The following DMBT1 variants were observed in gnomAD, a reference collection of about 807,000 sequenced individuals.
The protein encoded by DMBT1 is scavenger receptor cysteine-rich domain-containing protein DMBT1.
A neutral mutation model predicts 252.9 loss-of-function variants in DMBT1; 198 were observed. The ratio of observed to expected loss-of-function variants is 0.78; its 90% CI spans 0.70 to 0.88. DMBT1 has a LOEUF of 0.88. DMBT1 is among the 40% of genes least tolerant of loss of function. DMBT1 has a pLI of 0.00. For missense variants in DMBT1, 2,432 were observed against 2,404.7 expected (o/e 1.01, Z -0.24); for synonymous variants, 990 against 942.7 (o/e 1.05, Z -0.92).
intron 17 of DMBT1, among the ~76,000 whole-genome samples, 189 bp from the exon 18 acceptor site, chr10:122,590,476 T>C (rs1434831833): frequency 6.7e-6 from 1 of 148,604 alleles, no homozygotes; most frequent in East Asian, 2.1e-4. Context: ...GAGCTGGCAG[T>C]AGTGGACAAG....
chr10:122,587,766 C>T (rs2097803514), intron 16 of DMBT1, among the ~76,000 whole-genome samples: 1 of 148,772 alleles, frequency 6.7e-6, no homozygotes, highest in Non-Finnish European at 1.5e-5. Flanking sequence ...AGACTTTATA[C>T]TCCTTTGGGC....
chr10:122,589,601 A>G lies in DMBT1; in HGVS notation c.2107+334A>G. ...GGGGTCAGGTTATTCATGAAGAAAG[A>G]GGCAGATTTGGGTCTTGGCTTTGCA... On this transcript the variant is annotated intron_variant, in intron 17 of 55. Transcript: ENST00000338354. Among the ~76,000 whole-genome samples, 2 of 148,478 alleles carry G rather than the reference A, an allele frequency of 1.3e-5. 1 individual carries two copies. Among genetic ancestry groups the G allele is most frequent in the Non-Finnish European group, 3.0e-5 (2 of 66,762 alleles).
chr10:122,592,522 G>C lies in DMBT1; in HGVS notation c.2427G>C (p.Leu809=), dbSNP rs373107630. Residue 809 remains leucine, a synonymous_variant, in exon 20 of 56, where the codon CTG becomes CTC. Coordinates refer to ENST00000338354, the MANE Select transcript of DMBT1 (RefSeq NM_001377530.1). ...GCTGCTCAGGACACGAGTCCTACCT[G>C]TGGAGCTGCCCCCACAATGGCTGGC... ...DVRCSGHESY[L]WSCPHNGWLS... 6.3e-7 allele frequency: 1 copy of C among 1,588,190 alleles called. No homozygotes were observed. The highest frequency in any genetic ancestry group is 8.6e-7 in the Non-Finnish European group (1 of 1,165,608).
intron 52 of DMBT1, among the ~76,000 whole-genome samples, chr10:122,633,720 CAG>C (rs1362790711): frequency 6.6e-6 from 1 of 152,126 alleles, no homozygotes; most frequent in Middle Eastern, 3.2e-3. Context: ...TCACGAGAAA[CAG>C]AGAGGAGAGA....
chr10:122,599,142 G>T (rs981878122), intron 26 of DMBT1, 45 bp downstream of exon 26: 8 of 1,613,208 alleles, frequency 5.0e-6, no homozygotes, highest in Non-Finnish European at 5.9e-6. Context: ...GGTGGAGTTT[G>T]CTCCAGAAGA....
At chr10:122,620,147 C>A in intron 42 of DMBT1, 106 bp from the exon 43 acceptor site, 1 of 1,234,564 alleles carries the variant, frequency 8.1e-7, no homozygotes, top group Non-Finnish European at 1.2e-6. Flanking sequence ...TGGCAGGAAC[C>A]AGAAATTGAA....
Position 122,597,972 on chromosome 10 carries a change from A to G in DMBT1, c.2918-2A>G. 6.2e-7 allele frequency: 1 copy of G among 1,613,930 alleles called. No homozygotes were observed. Reference sequence around the variant, plus strand: ...TAGCCTTTGTCTCTGTTGCAATTACAGACACATTGCCGACCATCACCTTGC... The same window carrying G: ...TAGCCTTTGTCTCTGTTGCAATTACGGACACATTGCCGACCATCACCTTGC... On this transcript the variant is annotated splice_acceptor_variant, in intron 24 of 55. Coordinates refer to ENST00000338354, the MANE Select transcript of DMBT1 (RefSeq NM_001377530.1). LOFTEE classifies it high-confidence loss of function.
chr10:122,571,843 C>A (rs896440508), intron 4 of DMBT1, among the ~76,000 whole-genome samples: 1 of 152,232 alleles, frequency 6.6e-6, no homozygotes, highest in Non-Finnish European at 1.5e-5. Context: ...GGGGCATCGT[C>A]CTCCATGCAG....
At position 122,578,841 on chromosome 10, in the gene DMBT1, C is replaced by A. The variant is rs1040113264; in HGVS notation, c.679+82C>A. The A allele has an allele frequency of 2.9e-6, 4 of 1,384,008 alleles. No homozygotes were observed. The East Asian group carries it at 9.8e-5, about 34-fold the overall frequency. The allele number at this position is 1,384,008 out of a possible 1,614,324, so 85.7% of individuals were successfully genotyped here. Reference sequence around the variant, plus strand: ...GGATTTCATAGTTCACTTATGATTGCCATAAAGAGAGGTGGGGAAGTGGGC... The same window carrying A: ...GGATTTCATAGTTCACTTATGATTGACATAAAGAGAGGTGGGGAAGTGGGC... On this transcript the variant is annotated intron_variant, in intron 9 of 55. Coordinates refer to ENST00000338354, the MANE Select transcript of DMBT1 (RefSeq NM_001377530.1).
rs1192298485 is a variant in DMBT1 at position 122,598,961 on chromosome 10, T to A, written c.3144T>A (p.Phe1048Leu). 6.2e-7 allele frequency: 1 copy of A among 1,613,652 alleles called. No individual in the cohort carries two copies. Among genetic ancestry groups the A allele is most frequent in the East Asian group, 2.2e-5 (1 of 44,864 alleles). Reference protein sequence around the residue: ...WAMSAPGNARFGQGSGPIVLD... With the variant: ...WAMSAPGNARLGQGSGPIVLD... ...TGTCAGCCCCAGGAAATGCCCGGTT[T>A]GGTCAGGGCTCAGGACCCATTGTCC... Residue 1048 changes from phenylalanine to leucine, a missense_variant, in exon 26 of 56, where the codon TTT becomes TTA. Around this residue, in one of 3 missense-constraint regions of DMBT1, gnomAD observed 1,264 missense variants for 1,082.2 expected, o/e 1.17. Transcript: ENST00000338354.
chr10:122,570,832 C>A (rs2097655078), intron 3 of DMBT1, 58 bp from the exon 4 acceptor site: 1 of 1,588,982 alleles, frequency 6.3e-7, no homozygotes, highest in African/African-American at 1.3e-5. Context: ...AAGCCATGGA[C>A]CAACCCTCCC....
intron 44 of DMBT1, among the ~76,000 whole-genome samples, chr10:122,623,487 C>T (rs768220662): frequency 1.2e-4 from 18 of 152,154 alleles, no homozygotes; most frequent in Admixed American, 2.0e-4. Flanking sequence ...TGAACAGTTG[C>T]CACAGCTGCT....
Position 122,643,165 on chromosome 10 carries a change from C to G in DMBT1, c.7396C>G (p.Leu2466Val). The change falls in exon 56 of 56, where the codon CTT becomes GTT. Residue 2466 changes from leucine to valine, a missense_variant. Leu to Val is a conservative substitution (Grantham distance 32). Transcript: ENST00000338354. Reference sequence around the variant, plus strand: ...CTACGGACCCTACTCCTCGCCATCTCTTCGCATTGCCCGCTTCCGGTTCAG... The same window carrying G: ...CTACGGACCCTACTCCTCGCCATCTGTTCGCATTGCCCGCTTCCGGTTCAG... Reference protein sequence around the residue: ...DTYGPYSSPSLRIARFRFRAF... With the variant: ...DTYGPYSSPSVRIARFRFRAF... 6.2e-7 allele frequency: 1 copy of G among 1,614,020 alleles called. No homozygotes were observed. Among genetic ancestry groups the G allele is most frequent in the Non-Finnish European group, 8.5e-7 (1 of 1,179,892 alleles).
chr10:122,578,725 G>T lies in DMBT1; in HGVS notation c.645G>T (p.Trp215Cys). 1.2e-6 allele frequency: 2 copies of T among 1,608,902 alleles called. No individual in the cohort carries two copies. Among genetic ancestry groups the T allele is most frequent in the East Asian group, 2.2e-5 (1 of 44,802 alleles). Residue 215 changes from tryptophan (W) to cysteine (C), a missense_variant, in exon 9 of 56, where the codon TGG (tryptophan) becomes TGT (cysteine). Coordinates refer to ENST00000338354, the MANE Select transcript of DMBT1 (RefSeq NM_001377530.1). ...QPQSTLRPES[W>C]PVRISPPVPT... Reference sequence around the variant, plus strand: ...CTTTGTTGCTGTTTACAGAAAGTTGGCCTGTCAGGATATCACCACCTGTAC... The same window carrying T: ...CTTTGTTGCTGTTTACAGAAAGTTGTCCTGTCAGGATATCACCACCTGTAC...
intron 46 of DMBT1, among the ~76,000 whole-genome samples, chr10:122,626,378 A>G (rs1020326409): frequency 6.6e-6 from 1 of 152,206 alleles, no homozygotes; most frequent in Non-Finnish European, 1.5e-5. Context: ...ATTGTATTCT[A>G]TTATACAGAT....
Position 122,576,097 on chromosome 10 carries a change from C to A in DMBT1, c.284-302C>A, listed in dbSNP as rs532806000. Among the ~76,000 whole-genome samples the A allele has an allele frequency of 2.0e-5, 3 of 152,302 alleles. No homozygotes were observed. The South Asian group carries it at 6.2e-4, about 32-fold the overall frequency. ...TTGTGTGTCCCCTGTCTGAGGGAATCAGGCAGAGCCCATGGTCTGCTTAGA... is the reference window on the plus strand; with the variant it reads ...TTGTGTGTCCCCTGTCTGAGGGAATAAGGCAGAGCCCATGGTCTGCTTAGA... On this transcript the variant is annotated intron_variant, in intron 6 of 55. Transcript: ENST00000338354.
intron 3 of DMBT1, 90 bp downstream of exon 3, chr10:122,570,299 A>G: frequency 9.5e-7 from 1 of 1,057,018 alleles, no homozygotes; most frequent in Non-Finnish European, 1.5e-6. Flanking sequence ...CAGAAGCCAT[A>G]CTTCTAGCAA....
intron 4 of DMBT1, among the ~76,000 whole-genome samples, chr10:122,572,106 G>A (rs1247696477): frequency 6.6e-6 from 1 of 152,192 alleles, no homozygotes; most frequent in Non-Finnish European, 1.5e-5. Context: ...GGGAGGGTAA[G>A]GAGAACAAAG....
chr10:122,635,848 G>T (rs984322537), intron 52 of DMBT1, 143 bp from the exon 53 acceptor site: 4 of 826,838 alleles, frequency 4.8e-6, no homozygotes, highest in African/African-American at 1.7e-5. Flanking sequence ...GAGCTACTGC[G>T]CCCAGCCAAG....
Sources: gnomAD v4.1 joint callset for allele counts (sites outside exome capture counted in the v4.1 genomes callset) on GRCh38, gnomAD v4.1.1 for gene constraint, gnomAD v4.1.1 regional missense constraint, MANE v1.5 for transcripts, NCBI Gene and HGNC (gene_info 2026-07-23, HGNC 2026-07-21) for gene names.